GRAMD1A: variants seen among roughly 807,000 people sequenced by gnomAD.
GRAMD1A encodes protein Aster-A.
In GRAMD1A, 50 loss-of-function variants were observed where a neutral mutation model predicts 92.0. The observed-to-expected ratio is 0.54, with a 90% confidence interval of 0.43 to 0.69. The LOEUF (loss-of-function observed/expected upper bound fraction) is 0.69, where lower values mean the gene tolerates loss of function less well. Among genes scored for constraint, GRAMD1A ranks in the 30% least tolerant of loss-of-function variants. GRAMD1A has a pLI of 0.00. For synonymous variants in GRAMD1A, 405 were observed against 403.6 expected (o/e 1.00, Z -0.04); for missense variants, 819 against 978.9 (o/e 0.84, Z 2.18).
rs780637915 is a variant in GRAMD1A, at chr19:35,019,553, C to T, written c.1475+20C>T. ...GCTCCGGTGAGTGGTGGCTGGGCCC[C>T]TCCACCCGATGCCCTGGTGGCCCCA... is the stretch of plus-strand genomic sequence containing the variant. On this transcript the variant is annotated intron_variant, in intron 13 of 19. Coordinates refer to ENST00000317991, the MANE Select transcript of GRAMD1A (RefSeq NM_020895.5). 6.2e-7 allele frequency: 1 copy of T among 1,612,296 alleles called. No homozygotes were observed. Among genetic ancestry groups the T allele is most frequent in the South Asian group, 1.1e-5 (1 of 91,032 alleles).
intron 17 of GRAMD1A, 29 bp downstream of exon 17, chr19:35,022,940 C>G: frequency 1.5e-6 from 2 of 1,369,030 alleles, no homozygotes; most frequent in Non-Finnish European, 2.0e-6. Flanking sequence ...CCCCTGCCCT[C>G]CCCTCCCTGC....
chr19:35,019,438 C>G lies in GRAMD1A; in HGVS notation c.1380C>G (p.Ser460=), dbSNP rs751064360. 2.2e-5 allele frequency: 36 copies of G among 1,613,754 alleles called. No homozygotes were observed. The highest frequency in any genetic ancestry group is 2.8e-5 in the Non-Finnish European group (33 of 1,179,932). The part of the protein sequence containing the change: ...GPQAGGCVVD[S]EVLTQGIPYQ... ...AGGCCGGCGGGTGTGTGGTGGACTC[C>G]GAGGTGCTGACGCAGGGCATCCCCT... Residue 460 remains serine (S), a synonymous_variant, in exon 13 of 20, where the codon TCC becomes TCG. Transcript: ENST00000317991.
At chr19:34,995,529 G>A (rs2013989120), upstream of GRAMD1A, among the ~76,000 whole-genome samples, 1 of 148,722 alleles carries the variant, frequency 6.7e-6, no homozygotes, top group Non-Finnish European at 1.5e-5. Flanking sequence ...GGTTAGCAGG[G>A]GTGGTAATCC....
At chr19:35,024,148 C>T (rs947056773) in intron 19 of GRAMD1A, among the ~76,000 whole-genome samples, 11 of 152,326 alleles carry the variant, frequency 7.2e-5, no homozygotes, top group Non-Finnish European at 1.2e-4. Context: ...GTTCCAATTC[C>T]GGTGTGTGAC....
chr19:35,021,904 CG>C lies in GRAMD1A; in HGVS notation c.1754-42del. On this transcript the variant is annotated intron_variant, in intron 15 of 19. Transcript: ENST00000317991. The surrounding 1 kb of genome is among the most constrained non-coding windows in gnomAD (Gnocchi z 5.3). Reference sequence around the variant, plus strand: ...GGCCGGGTTGGGGTAGGCGGAGGATCGGGGGTCCTGGACTGGGCCATCTGAC... The same window carrying C: ...GGCCGGGTTGGGGTAGGCGGAGGATCGGGGTCCTGGACTGGGCCATCTGAC... 6.2e-7 allele frequency: 1 copy of C among 1,609,008 alleles called. No individual in the cohort carries two copies. Among genetic ancestry groups the C allele is most frequent in the Non-Finnish European group, 8.5e-7 (1 of 1,176,944 alleles).
At chr19:35,006,149 C>A (rs1039477640) in intron 1 of GRAMD1A, among the ~76,000 whole-genome samples, 1 of 152,124 alleles carries the variant, frequency 6.6e-6, no homozygotes, top group African/African-American at 2.4e-5. Flanking sequence ...TGGTGGAACC[C>A]TGTCTCTACT....
chr19:35,013,107 T>A lies in GRAMD1A; in HGVS notation c.607-149T>A. 1 of 584,922 alleles carries A rather than the reference T, an allele frequency of 1.7e-6. No individual in the cohort carries two copies. Among genetic ancestry groups the A allele is most frequent in the South Asian group, 2.0e-5 (1 of 49,482 alleles). 36.2% of individuals were successfully genotyped at this position (584,922 alleles called of 1,614,324 possible). On this transcript the variant is annotated intron_variant, in intron 7 of 19. Coordinates refer to ENST00000317991, the MANE Select transcript of GRAMD1A (RefSeq NM_020895.5). This position sits in a 1 kb window ranked among gnomAD's most constrained non-coding sequence, Gnocchi z 4.9. ...GGGGCTGTAGCAGGGGATTCCCCGC[T>A]TGCTGAGGCCAGGTCTGGTGCGGGA...
chr19:35,015,784 G>T, intron 10 of GRAMD1A, 40 bp from the exon 11 acceptor site: 1 of 1,598,182 alleles, frequency 6.3e-7, no homozygotes, highest in Non-Finnish European at 8.5e-7. Context: ...GGAGGGAGGA[G>T]TGGAGGCAGT....
intron 7 of GRAMD1A, 69 bp downstream of exon 7, chr19:35,011,623 A>C: frequency 1.8e-6 from 2 of 1,140,944 alleles, no homozygotes; most frequent in Non-Finnish European, 2.6e-6. Flanking sequence ...GGGACCCCAG[A>C]ACTTGCGGAG....
At chr19:34,998,608 T>G (rs1192381077), upstream of GRAMD1A, 1 of 151,976 alleles carries the variant, frequency 6.6e-6, no homozygotes, top group African/African-American at 2.4e-5. Flanking sequence ...TGACCTGAAA[T>G]AAATATTATT....
chr19:35,011,451 CT>C, intron 6 of GRAMD1A, 22 bp from the exon 7 acceptor site: 2 of 1,494,714 alleles, frequency 1.3e-6, no homozygotes, highest in Non-Finnish European at 1.8e-6. Context: ...GCTCACACCT[CT>C]CTCTCTCTCT....
intron 1 of GRAMD1A, among the ~76,000 whole-genome samples, chr19:35,004,106 G>A (rs1408358110): frequency 6.6e-6 from 1 of 152,152 alleles, no homozygotes; most frequent in Non-Finnish European, 1.5e-5. Context: ...GTGTGAGACT[G>A]TAGTCCCAGC....
rs117465547 is a variant in GRAMD1A at position 35,005,745 on chromosome 19, C to T, written c.9-3374C>T. On this transcript the variant is annotated intron_variant, in intron 1 of 19. Transcript: ENST00000317991. ...ATTGTGCTGGGGACAGAGCAGTGAC[C>T]CACAGACCCGTGAAGGACTTGGACC... is the stretch of plus-strand genomic sequence containing the variant. Among the ~76,000 whole-genome samples the T allele has an allele frequency of 1.1e-4, 17 of 152,302 alleles. No homozygotes were observed. In the East Asian group the frequency reaches 3.3e-3, roughly 29 times the overall value.
At chr19:35,003,040 T>C (rs1681814460) in intron 1 of GRAMD1A, among the ~76,000 whole-genome samples, 1 of 150,884 alleles carries the variant, frequency 6.6e-6, no homozygotes, top group Admixed American at 6.6e-5. Context: ...CATGTGACTG[T>C]AGCAGACTAG....
At position 35,000,543 on chromosome 19, in the gene GRAMD1A, G is replaced by T; in HGVS notation, c.8+57G>T. The T allele has an allele frequency of 8.1e-7, 1 of 1,231,686 alleles. No individual in the cohort carries two copies. The allele number at this position is 1,231,686 out of a possible 1,614,324, so 76.3% of individuals were successfully genotyped here. A position where few individuals can be genotyped will look rare whatever the true frequency, so the allele number is the denominator to read the frequency against. ...GGGCGCGCGGGGGAGGCCACCGGAG[G>T]GAGGGGGCGCCGCGGGCTTGGGGAG... On this transcript the variant is annotated intron_variant, in intron 1 of 19. Transcript: ENST00000317991. This position sits in a 1 kb window ranked among gnomAD's most constrained non-coding sequence, Gnocchi z 4.9.
intron 1 of GRAMD1A, among the ~76,000 whole-genome samples, chr19:35,003,177 T>TGC (rs1555711895): frequency 6.3e-4 from 90 of 141,814 alleles, no homozygotes; most frequent in African/African-American, 2.1e-3. Context: ...TGTGTGTGTG[T>TGC]GCATATGAGA....
rs1307966182 is a variant in GRAMD1A, at chr19:35,021,027, C to G, written c.1476-475C>G. On this transcript the variant is annotated intron_variant, in intron 13 of 19. Transcript: ENST00000317991. The surrounding 1 kb of genome is among the most constrained non-coding windows in gnomAD (Gnocchi z 5.3). ...GGGAAAGAGAGCTCAAGGAATATCC[C>G]GAGGCATTTGGCCCAAATCACTACA... 6.6e-6 allele frequency among the ~76,000 whole-genome samples: 1 copy of G among 152,026 alleles called. No homozygotes were observed. Among genetic ancestry groups the G allele is most frequent in the South Asian group, 2.1e-4 (1 of 4,834 alleles).
chr19:34,999,885 G>C, upstream of GRAMD1A: 1 of 303,758 alleles, frequency 3.3e-6, no homozygotes, highest in Non-Finnish European at 4.8e-6. Context: ...CGGCCAACCG[G>C]CCCCACCCCT....
intron 17 of GRAMD1A, 40 bp downstream of exon 17, chr19:35,022,951 ACCCCACCCCTGCTGCAGCCTCTTCT>A: frequency 8.7e-7 from 1 of 1,153,832 alleles, no homozygotes; most frequent in Non-Finnish European, 1.2e-6. Context: ...CCCTCCCTGC[ACCCCACCCCTGCTGCAGCCTCTTCT>A]CCCCACCCCA....
Sources: allele counts gnomAD v4.1 joint callset (sites outside exome capture counted in the v4.1 genomes callset), GRCh38; gene constraint gnomAD v4.1.1; non-coding constraint Gnocchi (gnomAD v3.1); transcripts MANE v1.5; gene names NCBI Gene and HGNC (gene_info 2026-07-23, HGNC 2026-07-21).